RORA: variants seen among roughly 807,000 people sequenced by gnomAD.
RORA encodes the protein RAR related orphan receptor A.
RORA carries 7 observed loss-of-function variants against 69.5 expected under a neutral mutation model. The ratio of observed to expected loss-of-function variants is 0.10; its 90% CI spans 0.06 to 0.19. The LOEUF (loss-of-function observed/expected upper bound fraction) is 0.19, where lower values mean the gene tolerates loss of function less well. Ranked by LOEUF, RORA falls within the 10% of genes least tolerant of loss-of-function variation. RORA has a pLI of 1.00. For synonymous variants in RORA, 261 were observed against 240.8 expected, an observed-to-expected ratio of 1.08 and a Z score of -0.78; for missense variants, 457 against 663.0, an observed-to-expected ratio of 0.69 and a Z score of 3.41.
intron 1 of RORA, among the ~76,000 whole-genome samples, chr15:61,105,991 G>A (rs2078945117): frequency 6.6e-6 from 1 of 152,204 alleles, no homozygotes; most frequent in Admixed American, 6.5e-5. Flanking sequence ...TCATAAGCTG[G>A]CAAGGAGATT....
intron 1 of RORA, among the ~76,000 whole-genome samples, chr15:60,859,395 C>T (rs2073413601): frequency 2.6e-5 from 2 of 77,572 alleles, no homozygotes; most frequent in Admixed American, 2.1e-4. Flanking sequence ...ACCTTGGGAC[C>T]TTGGGACCTT....
At position 61,131,705 on chromosome 15, in the gene RORA, G is replaced by C. The variant is rs1212245800; in HGVS notation, c.166+97348C>G. 6.6e-6 allele frequency among the ~76,000 whole-genome samples: 1 copy of C among 152,232 alleles called. No homozygotes were observed. The highest frequency in any genetic ancestry group is 2.1e-4 in the South Asian group (1 of 4,830). The stretch of plus-strand genomic sequence containing the variant: ...TGAAAGGCAATGTGCCAACATCGGA[G>C]CTCAATTTGGTACAGTGGAAAAACA... On this transcript the variant is annotated intron_variant, in intron 1 of 10. Transcript: ENST00000335670. The surrounding 1 kb of genome is among the most constrained non-coding windows in gnomAD (Gnocchi z 4.2).
chr15:60,550,349 A>G (rs2067196707), intron 2 of RORA, among the ~76,000 whole-genome samples: 2 of 152,200 alleles, frequency 1.3e-5, no homozygotes, highest in East Asian at 1.9e-4. Flanking sequence ...TGAAATTTAG[A>G]TGGAAATTTT....
chr15:60,597,512 TACACACACACACACACACAC>T (rs56774445), intron 2 of RORA, among the ~76,000 whole-genome samples: 1 of 43,210 alleles, frequency 2.3e-5, no homozygotes, highest in Non-Finnish European at 4.5e-5. Flanking sequence ...GTACAGGAGA[TACACACACACACACACACAC>T]ACACACACAC....
At chr15:60,750,102 T>A (rs939115001) in intron 1 of RORA, among the ~76,000 whole-genome samples, 1 of 152,250 alleles carries the variant, frequency 6.6e-6, no homozygotes, top group African/African-American at 2.4e-5. Flanking sequence ...TTTCATATTA[T>A]CTTCACTACA....
At chr15:61,037,442 T>C (rs572392425) in intron 1 of RORA, among the ~76,000 whole-genome samples, 1 of 152,336 alleles carries the variant, frequency 6.6e-6, no homozygotes, top group Admixed American at 6.5e-5. Context: ...ACAGACATCC[T>C]ATACAATATC....
chr15:60,540,101 T>TA (rs1374345238), intron 2 of RORA, among the ~76,000 whole-genome samples: 2 of 152,206 alleles, frequency 1.3e-5, no homozygotes, highest in African/African-American at 4.8e-5. Flanking sequence ...TGGTGTCCCT[T>TA]ACATAATTCT....
chr15:61,185,446 A>G lies in RORA; in HGVS notation c.166+43607T>C, dbSNP rs576275178. 3.8e-4 allele frequency among the ~76,000 whole-genome samples: 58 copies of G among 152,248 alleles called. 1 individual carries two copies. Among genetic ancestry groups the G allele is most frequent in the African/African-American group, 1.4e-3 (57 of 41,544 alleles). ...AATCTTCCCAGAATGTTCTCATCAG[A>G]AACTCCATCTCTGCCAACTCTGTAA... On this transcript the variant is annotated intron_variant, in intron 1 of 10. Transcript: ENST00000335670.
Position 60,946,809 on chromosome 15 carries a change from G to A in RORA, c.167-268123C>T, listed in dbSNP as rs1387948528. ...AGCACCTCTTCCCGGCCACCATCCC[G>A]TCTAGGAAGTGAGGAGCGTCTCTGC... On this transcript the variant is annotated intron_variant, in intron 1 of 10. Coordinates refer to ENST00000335670, the MANE Select transcript of RORA (RefSeq NM_134261.3). 9.2e-5 allele frequency among the ~76,000 whole-genome samples: 14 copies of A among 151,674 alleles called. No homozygotes were observed. The East Asian group carries it at 1.2e-3, about 13-fold the overall frequency.
intron 2 of RORA, among the ~76,000 whole-genome samples, chr15:60,594,491 T>C (rs1020679864): frequency 6.6e-6 from 1 of 152,254 alleles, no homozygotes; most frequent in African/African-American, 2.4e-5. Context: ...AACCCAGATA[T>C]ACAACTCGGA....
intron 1 of RORA, among the ~76,000 whole-genome samples, chr15:60,984,904 G>A (rs1442176806): frequency 6.6e-6 from 1 of 151,842 alleles, no homozygotes; most frequent in Non-Finnish European, 1.5e-5. Flanking sequence ...GGAGAGGGGA[G>A]GAACTAGTTC....
At chr15:61,080,718 C>A (rs1385957366) in intron 1 of RORA, among the ~76,000 whole-genome samples, 1 of 152,188 alleles carries the variant, frequency 6.6e-6, no homozygotes, top group Non-Finnish European at 1.5e-5. Context: ...GCTTAGCTGG[C>A]TCTTTCTTAA....
chr15:60,902,510 A>T (rs1307873922), intron 1 of RORA, among the ~76,000 whole-genome samples: 2 of 152,218 alleles, frequency 1.3e-5, no homozygotes, highest in African/African-American at 2.4e-5. Flanking sequence ...CTGCATTTAG[A>T]ATCCAGGCCT....
intron 3 of RORA, among the ~76,000 whole-genome samples, chr15:60,518,912 G>A (rs1290870553): frequency 6.6e-6 from 1 of 152,212 alleles, no homozygotes; most frequent in African/African-American, 2.4e-5. Flanking sequence ...CCTCGTTTCA[G>A]TTACTTGCGT....
chr15:60,786,723 T>A (rs2072339658), intron 1 of RORA, among the ~76,000 whole-genome samples: 1 of 152,186 alleles, frequency 6.6e-6, no homozygotes, highest in Non-Finnish European at 1.5e-5. Flanking sequence ...GGTCTGTCAT[T>A]CCTCCAGTGG....
chr15:60,725,829 T>A (rs771508218), intron 1 of RORA, among the ~76,000 whole-genome samples: 2 of 152,114 alleles, frequency 1.3e-5, no homozygotes, highest in Non-Finnish European at 2.9e-5. Context: ...TAATTAAATG[T>A]CCTCCACTGG....
At chr15:60,612,798 A>C (rs1254420721) in intron 2 of RORA, among the ~76,000 whole-genome samples, 1 of 151,990 alleles carries the variant, frequency 6.6e-6, no homozygotes, top group African/African-American at 2.4e-5. Context: ...TAAAAAGGGC[A>C]GAGCAGTCTC....
Position 60,900,983 on chromosome 15 carries a change from C to A in RORA, c.167-222297G>T, listed in dbSNP as rs1891376021. Among the ~76,000 whole-genome samples, 3 of 152,140 alleles carry A rather than the reference C, an allele frequency of 2.0e-5. No homozygotes were observed. In the South Asian group the frequency reaches 6.2e-4, roughly 32 times the overall value. ...ATCTGCCCCTGACACATACTACTTC[C>A]TGAATATTATTCCTTTCCACCTCTC... On this transcript the variant is annotated intron_variant, in intron 1 of 10. Coordinates refer to ENST00000335670, the MANE Select transcript of RORA (RefSeq NM_134261.3).
At chr15:60,515,229 A>G (rs2065824398) in intron 3 of RORA, among the ~76,000 whole-genome samples, 1 of 152,236 alleles carries the variant, frequency 6.6e-6, no homozygotes, top group Non-Finnish European at 1.5e-5. Context: ...AATCTTCACT[A>G]GCCCACTTCA....
Sources: allele counts gnomAD v4.1 joint callset (sites outside exome capture counted in the v4.1 genomes callset), GRCh38; gene constraint gnomAD v4.1.1; non-coding constraint Gnocchi (gnomAD v3.1); transcripts MANE v1.5; gene names NCBI Gene and HGNC (gene_info 2026-07-23, HGNC 2026-07-21).